KLHL4: variants seen among roughly 807,000 people sequenced by gnomAD.
KLHL4 encodes kelch like family member 4, also known as kelch-like protein 4.
A neutral mutation model predicts 45.8 loss-of-function variants in KLHL4; 17 were observed. That is an observed-to-expected ratio of 0.37 (90% CI 0.25 to 0.56). The LOEUF is 0.56. Ranked by LOEUF, KLHL4 falls within the 20% of genes least tolerant of loss-of-function variation. The pLI is 0.79. For synonymous variants in KLHL4, 224 were observed against 189.9 expected (o/e 1.18, Z -1.47); for missense variants, 544 against 544.9 (o/e 1.00, Z 0.02).
At chrX:87,612,692 T>C (rs1230818637) in intron 1 of KLHL4, among the ~76,000 whole-genome samples, 1 of 112,037 alleles carries the variant, frequency 8.9e-6, no homozygotes, top group African/African-American at 3.2e-5. Context: ...TAGGGATACA[T>C]CATTTCTTCA....
intron 1 of KLHL4, among the ~76,000 whole-genome samples, chrX:87,558,544 C>T (rs989662705): frequency 5.4e-5 from 6 of 111,489 alleles, no homozygotes; most frequent in African/African-American, 1.6e-4. Flanking sequence ...GAGCCGAGTT[C>T]GGCCACTGTA....
At chrX:87,635,848 T>C (rs1923249095) in intron 9 of KLHL4, 73 bp downstream of exon 9, 2 of 784,768 alleles carry the variant, frequency 2.5e-6, no homozygotes, top group Non-Finnish European at 3.6e-6. Context: ...AAGATTTTTT[T>C]TCTTTTAAAT....
In KLHL4 at chrX:87,559,824, A is replaced by G. The variant is rs139829825; in HGVS notation, c.422+41509A>G. Among the ~76,000 whole-genome samples, 848 of 111,551 alleles carry G rather than the reference A, an allele frequency of 7.6e-3. 6 individuals carry two copies. Among genetic ancestry groups the G allele is most frequent in the African/African-American group, 0.026 (808 of 30,831 alleles). The stretch of plus-strand genomic sequence containing the variant: ...TCTAAGATGGAACATAATAAGTGCT[A>G]CAGCGGTAATATATCCAATAAGCCA... On this transcript the variant is annotated intron_variant, in intron 1 of 10. Coordinates refer to ENST00000373119, the MANE Select transcript of KLHL4 (RefSeq NM_019117.5).
chrX:87,648,600 A>G (rs1226652902), intron 9 of KLHL4, among the ~76,000 whole-genome samples: 3 of 111,829 alleles, frequency 2.7e-5, no homozygotes, highest in African/African-American at 9.7e-5. Context: ...AATTGGTCAA[A>G]CAATGACATA....
intron 9 of KLHL4, among the ~76,000 whole-genome samples, chrX:87,638,217 T>C (rs939500193): frequency 9.0e-6 from 1 of 111,476 alleles, no homozygotes; most frequent in Non-Finnish European, 1.9e-5. Context: ...ACAAAACAGA[T>C]GATTAGTTTG....
intron 9 of KLHL4, among the ~76,000 whole-genome samples, chrX:87,663,068 T>A (rs1413920156): frequency 9.2e-6 from 1 of 108,809 alleles, no homozygotes; most frequent in East Asian, 2.9e-4. Context: ...CCCAATTACT[T>A]ATGATAATAA....
At chrX:87,629,774 ACATT>A (rs1397770526) in intron 6 of KLHL4, among the ~76,000 whole-genome samples, 1 of 111,816 alleles carries the variant, frequency 8.9e-6, no homozygotes, top group Non-Finnish European at 1.9e-5. Context: ...GAATTGGAAA[ACATT>A]CAGAGAAAAC....
rs756469573 is a variant in KLHL4, at chrX:87,568,383, C to CTTTTTTTTTTTTTTTTTTTTTTT, written c.423-45487_423-45486insTTTTTTTTTTTTTTTTTTTTTTT. On this transcript the variant is annotated intron_variant, in intron 1 of 10. Coordinates refer to ENST00000373119, the MANE Select transcript of KLHL4 (RefSeq NM_019117.5). ...CTACAGCTTTTTTTCTTTTTCTTTT[C>CTTTTTTTTTTTTTTTTTTTTTTT]TTTTTTTCTTTTTTTTTTTTTTTTT... Among the ~76,000 whole-genome samples, 4 of 59,246 alleles carry CTTTTTTTTTTTTTTTTTTTTTTT rather than the reference C, an allele frequency of 6.8e-5. 1 individual carries two copies. The highest frequency in any genetic ancestry group is 2.6e-4 in the African/African-American group (4 of 15,340). 51.4% of individuals were successfully genotyped at this position (59,246 alleles called of 115,157 possible). A position where few individuals can be genotyped will look rare whatever the true frequency, so the allele number is the denominator to read the frequency against.
intron 1 of KLHL4, among the ~76,000 whole-genome samples, chrX:87,533,755 A>C (rs191236295): frequency 9.0e-6 from 1 of 111,352 alleles, no homozygotes; most frequent in Non-Finnish European, 1.9e-5. Context: ...CACATAGCTT[A>C]GATCTTAAAA....
intron 8 of KLHL4, 130 bp from the exon 9 acceptor site, chrX:87,635,433 A>G (rs1923233890): frequency 4.3e-6 from 2 of 461,117 alleles, no homozygotes; most frequent in East Asian, 7.5e-5. Context: ...GGAGTAGAAT[A>G]TATAGTCAGA....
intron 1 of KLHL4, among the ~76,000 whole-genome samples, chrX:87,577,594 C>T (rs979689173): frequency 3.6e-5 from 4 of 111,742 alleles, no homozygotes; most frequent in African/African-American, 6.5e-5. Flanking sequence ...ACTCCAAGAA[C>T]GGTTTTTATA....
intron 8 of KLHL4, among the ~76,000 whole-genome samples, chrX:87,635,199 G>A (rs1471540312): frequency 1.8e-5 from 2 of 111,834 alleles, no homozygotes; most frequent in Non-Finnish European, 3.8e-5. Context: ...TGCTAAAATT[G>A]TAAAGTTGTT....
intron 9 of KLHL4, among the ~76,000 whole-genome samples, chrX:87,643,575 C>T (rs1228293414): frequency 9.0e-6 from 1 of 111,235 alleles, no homozygotes; most frequent in Non-Finnish European, 1.9e-5. Flanking sequence ...AGCATTAATA[C>T]CAAAACCAGG....
At chrX:87,573,555 T>C (rs1473274067) in intron 1 of KLHL4, among the ~76,000 whole-genome samples, 1 of 111,295 alleles carries the variant, frequency 9.0e-6, no homozygotes, top group East Asian at 2.8e-4. Flanking sequence ...GGCGCATAAG[T>C]ATATGAAGTA....
At position 87,612,776 on chromosome X, in the gene KLHL4, T is replaced by G. The variant is rs971725821; in HGVS notation, c.423-1101T>G. On this transcript the variant is annotated intron_variant, in intron 1 of 10. Coordinates refer to ENST00000373119, the MANE Select transcript of KLHL4 (RefSeq NM_019117.5). ...AATCCCAGCACTTTGGGAGCTAAGC[T>G]AATTCGACATTGAATGTTTGACTCA... 7.2e-5 allele frequency among the ~76,000 whole-genome samples: 8 copies of G among 111,611 alleles called. No individual in the cohort carries two copies. The East Asian group carries it at 2.3e-3, about 32-fold the overall frequency.
At chrX:87,639,823 C>T (rs772851001) in intron 9 of KLHL4, among the ~76,000 whole-genome samples, 1 of 108,686 alleles carries the variant, frequency 9.2e-6, no homozygotes, top group East Asian at 2.9e-4. Context: ...AACAAACAAA[C>T]CCAGCAGAAG....
intron 1 of KLHL4, among the ~76,000 whole-genome samples, chrX:87,592,493 C>G (rs1421557586): frequency 9.0e-6 from 1 of 111,712 alleles, no homozygotes; most frequent in East Asian, 2.8e-4. Context: ...TACAAGGGCC[C>G]CCTTTTCTCC....
Position 87,669,404 on chromosome X carries a change from C to G in KLHL4, c.*2870C>G. The G allele has an allele frequency of 8.3e-7, 1 of 1,208,819 alleles. No homozygotes were observed. ...GACTCTGGGGCACTAAATTCAGATC[C>G]TTTCTCCACACAGCAATGACATTTA... On this transcript the variant is annotated 3_prime_UTR_variant, in exon 11 of 11. Transcript: ENST00000373119.
chrX:87,643,293 C>G (rs774752332), intron 9 of KLHL4, among the ~76,000 whole-genome samples: 1 of 111,178 alleles, frequency 9.0e-6, no homozygotes, highest in East Asian at 2.8e-4. Flanking sequence ...CTCACATAAA[C>G]TAAAAAACCT....
Sources: gnomAD v4.1 joint callset for allele counts (sites outside exome capture counted in the v4.1 genomes callset) on GRCh38, gnomAD v4.1.1 for gene constraint, MANE v1.5 for transcripts, NCBI Gene and HGNC (gene_info 2026-07-23, HGNC 2026-07-21) for gene names.